Variants in GLP2R observed in about 807,000 individuals in gnomAD.
GLP2R encodes glucagon like peptide 2 receptor, also known as glucagon-like peptide 2 receptor.
A neutral mutation model predicts 68.2 loss-of-function variants in GLP2R; 59 were observed. That is an observed-to-expected ratio of 0.87 (90% CI 0.70 to 1.07). The LOEUF (loss-of-function observed/expected upper bound fraction) is 1.07. Ranked by LOEUF, GLP2R falls within the 50% of genes least tolerant of loss-of-function variation. The pLI, the probability that GLP2R is intolerant of heterozygous loss-of-function variation, is 0.00. For synonymous variants in GLP2R, 270 were observed against 265.4 expected (o/e 1.02, Z -0.17); for missense variants, 548 against 677.4 (o/e 0.81, Z 2.12).
intron 11 of GLP2R, among the ~76,000 whole-genome samples, chr17:9,884,483 G>A (rs7215007): frequency 0.015 from 2,250 of 152,242 alleles, 69 homozygotes; most frequent in African/African-American, 0.052. Context: ...GGTGCCTTGT[G>A]AAGATTAGAA....
chr17:9,885,709 C>G (rs183222975), intron 11 of GLP2R, among the ~76,000 whole-genome samples: 2 of 151,304 alleles, frequency 1.3e-5, no homozygotes, highest in East Asian at 3.9e-4. Context: ...CATAGAACTC[C>G]CAGAATGTCA....
chr17:9,863,451 G>A (rs2067005469), intron 9 of GLP2R, among the ~76,000 whole-genome samples: 1 of 152,186 alleles, frequency 6.6e-6, no homozygotes, highest in African/African-American at 2.4e-5. Context: ...ATGGAAACTG[G>A]ATCTCAGCCC....
intron 6 of GLP2R, among the ~76,000 whole-genome samples, chr17:9,859,652 T>C (rs530401050): frequency 2.7e-4 from 39 of 146,472 alleles, no homozygotes; most frequent in African/African-American, 9.1e-4. Flanking sequence ...TATATATATA[T>C]ACATACATAT....
intron 12 of GLP2R, among the ~76,000 whole-genome samples, chr17:9,888,668 T>C (rs948246776): frequency 6.6e-6 from 1 of 152,178 alleles, no homozygotes; most frequent in Non-Finnish European, 1.5e-5. Flanking sequence ...GGTTTCACCA[T>C]GTTGGCCAGG....
chr17:9,842,362 T>G, intron 3 of GLP2R, 133 bp from the exon 4 acceptor site: 5 of 1,016,606 alleles, frequency 4.9e-6, no homozygotes, highest in Non-Finnish European at 5.8e-6. Flanking sequence ...AAATAAACAG[T>G]GAGGATGTTA....
chr17:9,836,560 T>C (rs948762743), intron 3 of GLP2R, 85 bp downstream of exon 3: 20 of 762,552 alleles, frequency 2.6e-5, no homozygotes, highest in Non-Finnish European at 7.1e-6. Flanking sequence ...CCGTCTAAGC[T>C]CTCAGTAATA....
chr17:9,883,269 C>T (rs1334085421), intron 11 of GLP2R, among the ~76,000 whole-genome samples: 1 of 151,856 alleles, frequency 6.6e-6, no homozygotes, highest in Non-Finnish European at 1.5e-5. Flanking sequence ...AATAAATAAC[C>T]TGTGAGCTTG....
At chr17:9,830,081 C>A (rs572630966) in intron 1 of GLP2R, among the ~76,000 whole-genome samples, 113 of 152,294 alleles carry the variant, frequency 7.4e-4, no homozygotes, top group Admixed American at 3.7e-3. Flanking sequence ...CTTGGATGTA[C>A]CCCTTGTGTT....
chr17:9,840,211 G>A (rs771074380), intron 3 of GLP2R, among the ~76,000 whole-genome samples: 49 of 152,102 alleles, frequency 3.2e-4, no homozygotes, highest in Non-Finnish European at 5.4e-4. Context: ...TTCTGACCTC[G>A]TGAACCTCCC....
intron 11 of GLP2R, among the ~76,000 whole-genome samples, chr17:9,881,747 G>A (rs963669354): frequency 1.3e-5 from 2 of 152,142 alleles, no homozygotes; most frequent in African/African-American, 4.8e-5. Flanking sequence ...GTCATTTAAA[G>A]CAAGTCACAG....
At chr17:9,874,925 A>G (rs2067130582) in intron 10 of GLP2R, among the ~76,000 whole-genome samples, 1 of 152,216 alleles carries the variant, frequency 6.6e-6, no homozygotes, top group Non-Finnish European at 1.5e-5. Flanking sequence ...CTCATTCCCC[A>G]GATCCAGTGT....
intron 4 of GLP2R, among the ~76,000 whole-genome samples, chr17:9,847,970 C>G (rs1301350362): frequency 6.6e-6 from 1 of 152,172 alleles, no homozygotes; most frequent in Non-Finnish European, 1.5e-5. Context: ...CTCAACATAG[C>G]AAGATTCCAT....
At chr17:9,844,847 C>A (rs534323767) in intron 4 of GLP2R, among the ~76,000 whole-genome samples, 94 of 151,450 alleles carry the variant, frequency 6.2e-4, no homozygotes, top group Non-Finnish European at 1.2e-3. Context: ...CGTGCCACCA[C>A]GCCCGTCTAA....
chr17:9,874,505 A>G (rs1170200247), intron 10 of GLP2R, among the ~76,000 whole-genome samples: 1 of 152,090 alleles, frequency 6.6e-6, no homozygotes, highest in Non-Finnish European at 1.5e-5. Flanking sequence ...TAATAATAAT[A>G]ATAATAAAAG....
chr17:9,848,550 G>T (rs956060906), intron 4 of GLP2R, among the ~76,000 whole-genome samples: 1 of 152,122 alleles, frequency 6.6e-6, no homozygotes, highest in African/African-American at 2.4e-5. Context: ...AATGGGGAGC[G>T]CTAAGCAAGA....
At chr17:9,877,408 C>T (rs78210853) in intron 10 of GLP2R, among the ~76,000 whole-genome samples, 7,775 of 152,138 alleles carry the variant, frequency 0.051, 698 homozygotes, top group African/African-American at 0.18. Context: ...GGGTGAGTAG[C>T]CCAAAACTTT....
chr17:9,880,092 C>T (rs2067181757), intron 10 of GLP2R, among the ~76,000 whole-genome samples: 1 of 152,178 alleles, frequency 6.6e-6, no homozygotes, highest in African/African-American at 2.4e-5. Flanking sequence ...ATCCATCAGG[C>T]AAAACTTTAA....
intron 10 of GLP2R, among the ~76,000 whole-genome samples, chr17:9,875,172 C>T (rs2067132628): frequency 6.6e-6 from 1 of 152,194 alleles, no homozygotes; most frequent in South Asian, 2.1e-4. Context: ...AACTCACTTG[C>T]CCATTGTGCT....
chr17:9,845,704 G>C (rs2066830469), intron 4 of GLP2R, among the ~76,000 whole-genome samples: 1 of 151,776 alleles, frequency 6.6e-6, no homozygotes. Context: ...TGTGATGGTA[G>C]CTTTTCTGCA....
Sources: gnomAD v4.1 joint callset for allele counts (sites outside exome capture counted in the v4.1 genomes callset) on GRCh38, gnomAD v4.1.1 for gene constraint, MANE v1.5 for transcripts, NCBI Gene and HGNC (gene_info 2026-07-23, HGNC 2026-07-21) for gene names.